The following PTPRG variants were observed in gnomAD, a reference collection of about 807,000 sequenced individuals.
PTPRG encodes receptor-type tyrosine-protein phosphatase gamma.
A neutral mutation model predicts 165.3 loss-of-function variants in PTPRG; 102 were observed. The observed-to-expected ratio is 0.62, with a 90% confidence interval of 0.53 to 0.73. The LOEUF is 0.73. Ranked by LOEUF, PTPRG falls within the 30% of genes least tolerant of loss-of-function variation. The pLI, the probability that PTPRG is intolerant of heterozygous loss-of-function variation, is 0.00. For missense variants in PTPRG, 1,866 were observed against 1,861.4 expected (o/e 1.00, Z -0.05); for synonymous variants, 675 against 669.5 (o/e 1.01, Z -0.13).
intron 1 of PTPRG, among the ~76,000 whole-genome samples, chr3:61,647,398 A>G (rs1278921698): frequency 1.3e-5 from 2 of 152,208 alleles, no homozygotes; most frequent in African/African-American, 4.8e-5. Context: ...AGGAGGGTCA[A>G]TACCATTGTT....
chr3:61,897,229 T>TTACAGTAAGTCAATATCAGGTA (rs2038382018), intron 2 of PTPRG, among the ~76,000 whole-genome samples: 1 of 152,138 alleles, frequency 6.6e-6, no homozygotes, highest in Non-Finnish European at 1.5e-5. Context: ...GTTTTACAAT[T>TTACAGTAAGTCAATATCAGGTA]GAAATTTAAA....
At chr3:61,598,519 G>T (rs1436686729) in intron 1 of PTPRG, among the ~76,000 whole-genome samples, 2 of 152,184 alleles carry the variant, frequency 1.3e-5, no homozygotes, top group African/African-American at 4.8e-5. Context: ...TATAAGACAC[G>T]CTCATTAAAC....
chr3:62,007,952 T>G (rs571558854), intron 4 of PTPRG, among the ~76,000 whole-genome samples: 35 of 152,224 alleles, frequency 2.3e-4, no homozygotes, highest in Non-Finnish European at 4.0e-4. Context: ...TACAACAGAC[T>G]TTGCAGATGT....
intron 4 of PTPRG, among the ~76,000 whole-genome samples, chr3:62,069,217 A>T (rs1227992613): frequency 1.3e-5 from 2 of 152,258 alleles, no homozygotes; most frequent in Non-Finnish European, 2.9e-5. Context: ...GCGCTTAGCG[A>T]AAATGTATTA....
chr3:62,011,810 C>G (rs1347360606), intron 4 of PTPRG, among the ~76,000 whole-genome samples: 2 of 152,188 alleles, frequency 1.3e-5, no homozygotes, highest in Non-Finnish European at 2.9e-5. Context: ...TGGTAAATCT[C>G]CATGATGTCT....
intron 2 of PTPRG, among the ~76,000 whole-genome samples, chr3:61,964,400 G>T (rs956938525): frequency 2.0e-5 from 3 of 152,138 alleles, no homozygotes; most frequent in African/African-American, 7.2e-5. Context: ...TTCTCAGATG[G>T]TTCTCTCAGC....
chr3:61,738,385 T>C (rs1426040997), intron 1 of PTPRG, among the ~76,000 whole-genome samples: 1 of 148,712 alleles, frequency 6.7e-6, no homozygotes, highest in East Asian at 2.0e-4. Context: ...ACATGGAATG[T>C]GCATGTAAAA....
intron 5 of PTPRG, among the ~76,000 whole-genome samples, chr3:62,111,176 C>T (rs1342533694): frequency 1.3e-5 from 2 of 152,118 alleles, no homozygotes; most frequent in Non-Finnish European, 2.9e-5. Flanking sequence ...GAACTGTGTC[C>T]CCTTCTCTGT....
intron 1 of PTPRG, among the ~76,000 whole-genome samples, chr3:61,704,158 T>C (rs2031125614): frequency 1.3e-5 from 2 of 152,110 alleles, no homozygotes; most frequent in South Asian, 2.1e-4. Flanking sequence ...GAGGCACAAA[T>C]TGGTTGTCTG....
intron 12 of PTPRG, among the ~76,000 whole-genome samples, chr3:62,206,912 C>CAAAAAAAAAAAAAA (rs556974355): frequency 2.4e-4 from 9 of 37,336 alleles, no homozygotes; most frequent in African/African-American, 6.4e-4. Flanking sequence ...GACTCTGTCT[C>CAAAAAAAAAAAAAA]AAAAAAAAAA....
In PTPRG at chr3:62,003,424, A is replaced by C. The variant is rs748752255; in HGVS notation, c.446A>C (p.Glu149Ala). ...LPGRFKAEKV[E>A]FHWGHSNGSA... ...GGCAGATTCAAAGCTGAGAAGGTGG[A>C]ATTTCACTGGGGCCACAGCAATGGC... The change falls in exon 4 of 30, where the codon GAA becomes GCA. Residue 149 changes from glutamate (E) to alanine (A), a missense_variant. By Grantham distance (107) the Glu-to-Ala change is moderately radical. This residue lies in a region of PTPRG where 408 missense variants were observed against 376.2 expected (regional missense o/e 1.08). Transcript: ENST00000474889. 6.2e-7 allele frequency: 1 copy of C among 1,613,922 alleles called. No individual in the cohort carries two copies. Among genetic ancestry groups the C allele is most frequent in the African/African-American group, 1.3e-5 (1 of 74,888 alleles).
chr3:61,581,294 G>A (rs925005809), intron 1 of PTPRG, among the ~76,000 whole-genome samples: 2 of 152,208 alleles, frequency 1.3e-5, no homozygotes, highest in African/African-American at 2.4e-5. Flanking sequence ...CTGTTAATTA[G>A]TTCCAGACAC....
intron 2 of PTPRG, among the ~76,000 whole-genome samples, chr3:61,902,058 A>G (rs1437424122): frequency 1.3e-5 from 2 of 152,156 alleles, no homozygotes; most frequent in Non-Finnish European, 2.9e-5. Context: ...CTTGGTGTGG[A>G]GAAAATAAAA....
chr3:61,775,876 A>G (rs141438441), intron 2 of PTPRG, among the ~76,000 whole-genome samples: 6 of 139,178 alleles, frequency 4.3e-5, no homozygotes, highest in Admixed American at 7.5e-5. Flanking sequence ...GAATTGAACA[A>G]TGAGAACACT....
At chr3:61,763,532 A>T (rs1398028884) in intron 2 of PTPRG, among the ~76,000 whole-genome samples, 1 of 148,482 alleles carries the variant, frequency 6.7e-6, no homozygotes, top group Non-Finnish European at 1.5e-5. Context: ...CGCCCAGCTA[A>T]TTTTTGTATT....
chr3:62,154,149 A>C (rs1704448452), intron 6 of PTPRG, among the ~76,000 whole-genome samples: 1 of 152,116 alleles, frequency 6.6e-6, no homozygotes, highest in Non-Finnish European at 1.5e-5. Context: ...GACTTAACTT[A>C]TTTGAGTTGC....
intron 1 of PTPRG, among the ~76,000 whole-genome samples, chr3:61,626,632 G>A (rs1701616377): frequency 6.6e-6 from 1 of 152,200 alleles, no homozygotes; most frequent in Non-Finnish European, 1.5e-5. Context: ...TCCCAGCCAG[G>A]GAAGTAAGAG....
At chr3:61,785,190 C>G (rs953222510) in intron 2 of PTPRG, among the ~76,000 whole-genome samples, 1 of 152,138 alleles carries the variant, frequency 6.6e-6, no homozygotes, top group Non-Finnish European at 1.5e-5. Context: ...TAACCTCTGC[C>G]GTATTTGGTT....
chr3:62,292,311 T>C, intron 28 of PTPRG, 110 bp from the exon 29 acceptor site: 1 of 1,218,250 alleles, frequency 8.2e-7, no homozygotes, highest in Middle Eastern at 2.0e-4. Flanking sequence ...TTAGAGTAAA[T>C]GTCAAAACAG....
Sources: gnomAD v4.1 joint callset for allele counts (sites outside exome capture counted in the v4.1 genomes callset) on GRCh38, gnomAD v4.1.1 for gene constraint, gnomAD v4.1.1 regional missense constraint, MANE v1.5 for transcripts, NCBI Gene and HGNC (gene_info 2026-07-23, HGNC 2026-07-21) for gene names.